TRHDE: variants seen among roughly 807,000 people sequenced by gnomAD.
TRHDE encodes thyrotropin-releasing hormone-degrading ectoenzyme.
Under a neutral mutation model 125.7 loss-of-function variants are expected in TRHDE, and 72 were observed. The observed-to-expected ratio is 0.57, with a 90% CI of 0.47 to 0.70. The LOEUF (loss-of-function observed/expected upper bound fraction) is 0.70. Among genes scored for constraint, TRHDE ranks in the 30% least tolerant of loss-of-function variants. The pLI, the probability that TRHDE is intolerant of heterozygous loss-of-function variation, is 0.00. For missense variants in TRHDE, 1,110 were observed against 1,327.1 expected, an observed-to-expected ratio of 0.84 and a Z score of 2.54; for synonymous variants, 509 against 509.1, an observed-to-expected ratio of 1.00 and a Z score of 0.00.
intron 2 of TRHDE, among the ~76,000 whole-genome samples, chr12:72,370,172 T>C (rs573614208): frequency 6.6e-6 from 1 of 152,256 alleles, no homozygotes; most frequent in South Asian, 2.1e-4. Flanking sequence ...TGAATGATTG[T>C]TTTTAAGTAA....
chr12:72,487,479 T>C (rs574941867), intron 5 of TRHDE, among the ~76,000 whole-genome samples: 3 of 152,252 alleles, frequency 2.0e-5, no homozygotes, highest in South Asian at 4.1e-4. Context: ...AAGAACGGGA[T>C]GATATTTTCA....
At chr12:72,283,489 A>C (rs781684043) in intron 1 of TRHDE, among the ~76,000 whole-genome samples, 4 of 152,146 alleles carry the variant, frequency 2.6e-5, no homozygotes, top group Non-Finnish European at 4.4e-5. Context: ...ATCAGAATAT[A>C]TGGTGGCCCT....
intron 2 of TRHDE, among the ~76,000 whole-genome samples, chr12:72,234,157 G>C (rs1878298275): frequency 6.6e-6 from 1 of 152,130 alleles, no homozygotes; most frequent in South Asian, 2.1e-4. Context: ...CAGTATAAGT[G>C]AATTAAAGAA....
chr12:72,362,508 T>C (rs867191395), intron 2 of TRHDE, among the ~76,000 whole-genome samples: 12 of 152,214 alleles, frequency 7.9e-5, no homozygotes, highest in African/African-American at 2.9e-4. Flanking sequence ...TCCCATTTTG[T>C]AGGTTGCCTG....
intron 2 of TRHDE, among the ~76,000 whole-genome samples, chr12:72,237,990 G>A (rs747194332): frequency 1.3e-5 from 2 of 151,802 alleles, no homozygotes; most frequent in Non-Finnish European, 2.9e-5. Context: ...CAAAAGAGAG[G>A]GAAGAAGAAA....
At chr12:72,605,068 C>T (rs1872378079) in intron 12 of TRHDE, among the ~76,000 whole-genome samples, 1 of 151,978 alleles carries the variant, frequency 6.6e-6, no homozygotes, top group Admixed American at 6.6e-5. Flanking sequence ...AATTTTGTGA[C>T]ACTGGAAGTT....
At chr12:72,583,367 G>C (rs748161580) in intron 12 of TRHDE, among the ~76,000 whole-genome samples, 11 of 152,056 alleles carry the variant, frequency 7.2e-5, no homozygotes, top group Non-Finnish European at 1.2e-4. Flanking sequence ...ATCGTTCCAG[G>C]AGCTTCATGG....
Position 72,378,054 on chromosome 12 carries a change from T to A in TRHDE, c.1248T>A (p.His416Gln). 1 of 1,607,318 alleles carries A rather than the reference T, an allele frequency of 6.2e-7. No individual in the cohort carries two copies. The highest frequency in any genetic ancestry group is 8.5e-7 in the Non-Finnish European group (1 of 1,176,104). Residue 416 changes from histidine to glutamine, a missense_variant, in exon 3 of 19, where the codon CAT (histidine) becomes CAA (glutamine). Around this residue, in one of 5 missense-constraint regions of TRHDE, gnomAD observed 252 missense variants for 274.8 expected, o/e 0.92. Transcript: ENST00000261180. ...GAGGATCCGGGGACTATGCTCTCCA[T>A]ATAACAAAGAGATTAATAGAATTTT... is the stretch of plus-strand genomic sequence containing the variant. ...IRRGSGDYAL[H>Q]ITKRLIEFYE...
chr12:72,151,360 A>G (rs1157934252), intron 2 of TRHDE, among the ~76,000 whole-genome samples: 3 of 152,046 alleles, frequency 2.0e-5, no homozygotes, highest in African/African-American at 7.3e-5. Flanking sequence ...GTTCACGCTG[A>G]TGGTAGTTTC....
At chr12:72,445,274 T>A (rs948451439) in intron 3 of TRHDE, among the ~76,000 whole-genome samples, 1 of 151,868 alleles carries the variant, frequency 6.6e-6, no homozygotes, top group African/African-American at 2.4e-5. Flanking sequence ...TATTTTTTAA[T>A]AAGTGAAAAT....
chr12:72,430,299 GTA>G (rs201008843), intron 3 of TRHDE, among the ~76,000 whole-genome samples: 4,166 of 137,814 alleles, frequency 0.03, 103 homozygotes, highest in Non-Finnish European at 0.044. Context: ...GTGTATATAT[GTA>G]TATATATGTA....
intron 2 of TRHDE, among the ~76,000 whole-genome samples, chr12:72,239,993 T>C (rs7485207): frequency 0.67 from 102,251 of 151,964 alleles, 35,755 homozygotes; most frequent in Non-Finnish European, 0.78. Context: ...ATAGAATTTT[T>C]GTATAGTTTT....
At chr12:72,553,849 C>CTTT (rs56187409) in intron 7 of TRHDE, among the ~76,000 whole-genome samples, 8 of 133,790 alleles carry the variant, frequency 6.0e-5, no homozygotes, top group Admixed American at 3.1e-4. Context: ...TCTTTTCCTT[C>CTTT]TTTTTTTTTT....
chr12:72,652,298 A>C, intron 15 of TRHDE, 24 bp from the exon 16 acceptor site: 1 of 1,389,490 alleles, frequency 7.2e-7, no homozygotes, highest in South Asian at 1.9e-5. Context: ...ATTAACAGAA[A>C]ACCACCATGG....
At chr12:72,335,394 A>G (rs1869786114) in intron 2 of TRHDE, among the ~76,000 whole-genome samples, 1 of 152,216 alleles carries the variant, frequency 6.6e-6, no homozygotes, top group East Asian at 1.9e-4. Context: ...TTAATTTGGC[A>G]TTTAGTCATC....
At chr12:72,320,651 A>G (rs1869044408) in intron 2 of TRHDE, among the ~76,000 whole-genome samples, 1 of 151,820 alleles carries the variant, frequency 6.6e-6, no homozygotes, top group Non-Finnish European at 1.5e-5. Context: ...CTTAATTTCT[A>G]TCACTGCAGA....
intron 12 of TRHDE, among the ~76,000 whole-genome samples, chr12:72,580,656 G>C (rs1345747631): frequency 1.3e-5 from 2 of 152,198 alleles, no homozygotes; most frequent in African/African-American, 4.8e-5. Flanking sequence ...GGTCAGGCTA[G>C]TCTTGAACTG....
At chr12:72,470,537 T>C (rs17111215) in intron 4 of TRHDE, among the ~76,000 whole-genome samples, 6,151 of 152,290 alleles carry the variant, frequency 0.04, 447 homozygotes, top group African/African-American at 0.14. Flanking sequence ...TGGAAGGTAT[T>C]AGATTTCGCA....
chr12:72,427,920 G>A (rs193106557), intron 3 of TRHDE, among the ~76,000 whole-genome samples: 6 of 152,130 alleles, frequency 3.9e-5, no homozygotes, highest in African/African-American at 1.4e-4. Context: ...CTTGGACAAC[G>A]TGAGGAAAAC....
Sources: gnomAD v4.1 joint callset for allele counts (sites outside exome capture counted in the v4.1 genomes callset) on GRCh38, gnomAD v4.1.1 for gene constraint, gnomAD v4.1.1 regional missense constraint, MANE v1.5 for transcripts, NCBI Gene and HGNC (gene_info 2026-07-23, HGNC 2026-07-21) for gene names.